The following NCOA7 variants were observed in gnomAD, a reference collection of about 807,000 sequenced individuals.
The protein encoded by NCOA7 is 140 kDa estrogen receptor-associated protein.
Under a neutral mutation model 104.3 loss-of-function variants are expected in NCOA7, and 45 were observed. That is an observed-to-expected ratio of 0.43 (90% CI 0.34 to 0.55). NCOA7 has a LOEUF of 0.55. NCOA7 is among the 20% of genes least tolerant of loss of function. NCOA7 has a pLI of 0.02. For missense variants in NCOA7, 1,041 were observed against 1,119.7 expected, an observed-to-expected ratio of 0.93 and a Z score of 1.00; for synonymous variants, 398 against 402.3, an observed-to-expected ratio of 0.99 and a Z score of 0.13.
Position 125,855,209 on chromosome 6 carries a change from G to A in NCOA7, c.240G>A (p.Arg80=), listed in dbSNP as rs1164537636. ...KRKSNQLKEI[R]RTELKRYYSI... ...AAAGTAATCAGTTAAAGGAGATCAG[G>A]CGTACAGAACTAAAGAGATATTATA... Residue 80 remains arginine, a synonymous_variant, in exon 3 of 16, where the codon AGG becomes AGA. Transcript: ENST00000392477. 1 of 1,612,012 alleles carries A rather than the reference G, an allele frequency of 6.2e-7. No homozygotes were observed. The highest frequency in any genetic ancestry group is 1.1e-5 in the South Asian group (1 of 91,064).
chr6:125,849,762 G>T (rs192722785), intron 2 of NCOA7, among the ~76,000 whole-genome samples: 22 of 152,270 alleles, frequency 1.4e-4, no homozygotes, highest in Admixed American at 1.4e-3. Context: ...TTATGTAATT[G>T]TGATGTATTT....
intron 4 of NCOA7, among the ~76,000 whole-genome samples, chr6:125,876,797 C>T (rs533288277): frequency 2.0e-5 from 3 of 151,944 alleles, no homozygotes; most frequent in African/African-American, 7.3e-5. Flanking sequence ...AGCACTTACC[C>T]GATTGCTTTT....
chr6:125,804,814 G>A (rs1237754965), intron 1 of NCOA7, among the ~76,000 whole-genome samples: 1 of 152,004 alleles, frequency 6.6e-6, no homozygotes, highest in Non-Finnish European at 1.5e-5. Context: ...TCCAAATTCT[G>A]ACTGTCTGTA....
chr6:125,815,476 T>C, intron 2 of NCOA7, 72 bp downstream of exon 2: 1 of 1,251,012 alleles, frequency 8.0e-7, no homozygotes, highest in Non-Finnish European at 1.2e-6. Context: ...TCCTCAAGTA[T>C]TACTTCGCAT....
rs1145990 is a variant in NCOA7 at position 125,815,279 on chromosome 6, C to T, written c.-64-12C>T. On this transcript the variant is annotated splice_polypyrimidine_tract_variant and intron_variant, in intron 1 of 15. Transcript: ENST00000392477. ...TTTAAGTTTACAGTTGCTTTGTTAT[C>T]TTTTCTTACAGGGTTACGACTCACT... The T allele has an allele frequency of 0.014, 15,489 of 1,125,532 alleles. 1,186 individuals carry two copies. In the African/African-American group the frequency reaches 0.18, roughly 13 times the overall value. 69.7% of individuals were successfully genotyped at this position (1,125,532 alleles called of 1,614,324 possible).
chr6:125,807,382 A>T (rs963155475), intron 1 of NCOA7, among the ~76,000 whole-genome samples: 1 of 152,214 alleles, frequency 6.6e-6, no homozygotes, highest in Non-Finnish European at 1.5e-5. Context: ...CAAAAAGGGT[A>T]TGACAGACTA....
At chr6:125,860,810 T>C (rs9401851) in intron 3 of NCOA7, among the ~76,000 whole-genome samples, 56,006 of 152,036 alleles carry the variant, frequency 0.37, 12,222 homozygotes, top group East Asian at 0.49. Flanking sequence ...AGCCATAAGA[T>C]TGGAAAGAGA....
chr6:125,922,129 A>G (rs192134339), intron 12 of NCOA7, among the ~76,000 whole-genome samples: 18 of 152,316 alleles, frequency 1.2e-4, no homozygotes, highest in Admixed American at 2.6e-4. Flanking sequence ...CTTTGGTAAT[A>G]TTCTTGAAGA....
chr6:125,876,878 C>T (rs1405732281), intron 4 of NCOA7, among the ~76,000 whole-genome samples: 2 of 152,124 alleles, frequency 1.3e-5, no homozygotes, highest in Non-Finnish European at 2.9e-5. Flanking sequence ...CAACATCCCT[C>T]TCGGGGTCTG....
chr6:125,910,645 GA>G (rs1786453676), intron 10 of NCOA7, among the ~76,000 whole-genome samples: 1 of 152,240 alleles, frequency 6.6e-6, no homozygotes, highest in South Asian at 2.1e-4. Context: ...AGCAGAATGT[GA>G]GGTTGTATGT....
intron 10 of NCOA7, among the ~76,000 whole-genome samples, chr6:125,902,338 A>G (rs1785577017): frequency 6.6e-6 from 1 of 152,298 alleles, no homozygotes; most frequent in East Asian, 1.9e-4. Flanking sequence ...AGGGTGGGCT[A>G]AGTTTTCTTA....
chr6:125,841,647 T>C (rs1222479947), intron 2 of NCOA7, among the ~76,000 whole-genome samples: 2 of 152,094 alleles, frequency 1.3e-5, no homozygotes, highest in Admixed American at 6.6e-5. Context: ...TGGGTTTGCC[T>C]TTACATGTGA....
upstream of NCOA7, among the ~76,000 whole-genome samples, chr6:125,788,853 G>A (rs1019794016): frequency 6.6e-6 from 1 of 151,852 alleles, no homozygotes; most frequent in Non-Finnish European, 1.5e-5. Context: ...GAAGACTGAC[G>A]TTTTATAATT....
Position 125,928,705 on chromosome 6 carries a change from T to A in NCOA7, c.2763T>A (p.Asn921Lys), listed in dbSNP as rs767748552. Residue 921 changes from asparagine to lysine, a missense_variant, in exon 16 of 16, where the codon AAT becomes AAA. Coordinates refer to ENST00000392477, the MANE Select transcript of NCOA7 (RefSeq NM_181782.5). ...GAAGCAACTCTTGCAGCACTTTCAA[T>A]AATGATATTCTTTCCAAAAAGGAAG... ...HGRSNSCSTF[N>K]NDILSKKEDF... The A allele has an allele frequency of 8.7e-6, 14 of 1,613,752 alleles. No homozygotes were observed. The Admixed American group carries it at 1.8e-4, about 21-fold the overall frequency.
chr6:125,921,459 G>A (rs1363296971), intron 12 of NCOA7, among the ~76,000 whole-genome samples: 3 of 151,966 alleles, frequency 2.0e-5, no homozygotes, highest in Non-Finnish European at 4.4e-5. Flanking sequence ...TTCTCACTTG[G>A]GCTGAAGGAT....
intron 4 of NCOA7, among the ~76,000 whole-genome samples, chr6:125,875,774 T>C (rs992999799): frequency 6.6e-6 from 1 of 152,208 alleles, no homozygotes; most frequent in African/African-American, 2.4e-5. Flanking sequence ...AATTCATATA[T>C]CCATGAAGAG....
chr6:125,900,136 G>A (rs1785374098), intron 10 of NCOA7: 1 of 456,742 alleles, frequency 2.2e-6, no homozygotes, highest in African/African-American at 2.0e-5. Context: ...TCTACCAGTA[G>A]GGGCTGTGGA....
chr6:125,924,881 T>C (rs1348136546), intron 13 of NCOA7, among the ~76,000 whole-genome samples: 3 of 152,072 alleles, frequency 2.0e-5, no homozygotes. Context: ...TCACTGTGGG[T>C]CCCCTGTATT....
At chr6:125,909,749 G>T (rs1786352847) in intron 10 of NCOA7, among the ~76,000 whole-genome samples, 1 of 152,182 alleles carries the variant, frequency 6.6e-6, no homozygotes, top group Non-Finnish European at 1.5e-5. Context: ...GGCAGAGGTT[G>T]CAGTGAGCCG....
Sources: allele counts gnomAD v4.1 joint callset (sites outside exome capture counted in the v4.1 genomes callset), GRCh38; gene constraint gnomAD v4.1.1; transcripts MANE v1.5; gene names NCBI Gene and HGNC (gene_info 2026-07-23, HGNC 2026-07-21).